Variants in KIF13A observed in about 807,000 individuals in gnomAD.
KIF13A encodes kinesin family member 13A, also known as kinesin-like protein KIF13A.
KIF13A carries 79 observed loss-of-function variants against 212.2 expected under a neutral mutation model. That is an observed-to-expected ratio of 0.37 (90% CI 0.31 to 0.45). The LOEUF is 0.45. Among genes scored for constraint, KIF13A ranks in the 20% least tolerant of loss-of-function variants. KIF13A has a pLI of 1.00. For synonymous variants in KIF13A, 789 were observed against 808.6 expected, an observed-to-expected ratio of 0.98 and a Z score of 0.41; for missense variants, 1,901 against 2,209.0, an observed-to-expected ratio of 0.86 and a Z score of 2.79.
At chr6:17,938,838 T>TTA (rs1343545701) in intron 2 of KIF13A, among the ~76,000 whole-genome samples, 2 of 136,994 alleles carry the variant, frequency 1.5e-5, no homozygotes, top group African/African-American at 5.3e-5. Flanking sequence ...TTTTTTTTTT[T>TTA]ACCCAGCAAC....
chr6:17,794,664 T>C lies in KIF13A; in HGVS notation c.2983A>G (p.Ile995Val), dbSNP rs1761879939. The C allele has an allele frequency of 1.9e-6, 3 of 1,612,424 alleles. No homozygotes were observed. The highest frequency in any genetic ancestry group is 1.1e-5 in the South Asian group (1 of 90,642). ...TCTCCTAACTCATTCAATTCTAATA[T>C]GGAGATCCACATTTCTATTCTTCGC... ...VTRRIEMWIS[I>V]LELNELGEYA... Residue 995 changes from isoleucine to valine, a missense_variant, in exon 24 of 39, where the codon ATA becomes GTA. This residue lies in a region of KIF13A where 168 missense variants were observed against 250.9 expected (regional missense o/e 0.67). Transcript: ENST00000259711. The surrounding 1 kb of genome is among the most constrained non-coding windows in gnomAD (Gnocchi z 4.1).
In KIF13A at chr6:17,900,456, G is replaced by C. The variant is rs1772950301; in HGVS notation, c.147-2276C>G. On this transcript the variant is annotated intron_variant, in intron 2 of 38. Transcript: ENST00000259711. This position sits in a 1 kb window ranked among gnomAD's most constrained non-coding sequence, Gnocchi z 4.6. ...CACTTAGAAGATAGCCCATAACATG[G>C]GAATACCAATATAATTCTGCTACCT... 6.6e-6 allele frequency among the ~76,000 whole-genome samples: 1 copy of C among 152,090 alleles called. No homozygotes were observed. Among genetic ancestry groups the C allele is most frequent in the South Asian group, 2.1e-4 (1 of 4,826 alleles).
intron 16 of KIF13A, among the ~76,000 whole-genome samples, chr6:17,823,130 G>A (rs202173308): frequency 6.6e-6 from 1 of 151,038 alleles, no homozygotes; most frequent in African/African-American, 2.4e-5. Context: ...TCCACCTCCC[G>A]GGTTCAAGCG....
chr6:17,911,499 A>G (rs531739161), intron 2 of KIF13A, among the ~76,000 whole-genome samples: 1 of 152,348 alleles, frequency 6.6e-6, no homozygotes, highest in South Asian at 2.1e-4. Flanking sequence ...TTTTAAAATA[A>G]AAGAAATTTA....
intron 2 of KIF13A, among the ~76,000 whole-genome samples, chr6:17,969,646 G>T (rs1482512121): frequency 1.3e-5 from 2 of 152,140 alleles, no homozygotes; most frequent in Non-Finnish European, 2.9e-5. Flanking sequence ...TGGAGAGGAT[G>T]AACTTGAGGG....
At chr6:17,893,321 T>C (rs1293817057) in intron 3 of KIF13A, among the ~76,000 whole-genome samples, 3 of 152,212 alleles carry the variant, frequency 2.0e-5, no homozygotes, top group Non-Finnish European at 4.4e-5. Flanking sequence ...AATAACCAAA[T>C]GTGGGTTTTA....
Position 17,785,621 on chromosome 6 carries a change from C to A in KIF13A, c.3382G>T (p.Glu1128Ter). 2.5e-6 allele frequency: 4 copies of A among 1,605,786 alleles called. No homozygotes were observed. The highest frequency in any genetic ancestry group is 3.4e-6 in the Non-Finnish European group (4 of 1,176,346). The change falls in exon 28 of 39, where the codon GAG becomes TAG. Residue 1128 changes from glutamate to a stop codon, truncating the protein, a stop_gained. Transcript: ENST00000259711. LOFTEE classifies it high-confidence loss of function. The surrounding 1 kb of genome is among the most constrained non-coding windows in gnomAD (Gnocchi z 5.8). ...TGCTCCACAAGCTGGGCTTCCCGCT[C>A]CACATCGTCCTCTGTTTTCTCTGCA... ...NKTEKTEDDV[E>*]REAQLVEQWV...
At position 17,968,161 on chromosome 6, in the gene KIF13A, C is replaced by T. The variant is rs1779488188; in HGVS notation, c.146+18893G>A. Among the ~76,000 whole-genome samples, 1 of 152,114 alleles carries T rather than the reference C, an allele frequency of 6.6e-6. No homozygotes were observed. Among genetic ancestry groups the T allele is most frequent in the African/African-American group, 2.4e-5 (1 of 41,416 alleles). On this transcript the variant is annotated intron_variant, in intron 2 of 38. Coordinates refer to ENST00000259711, the MANE Select transcript of KIF13A (RefSeq NM_022113.6). The surrounding 1 kb of genome is among the most constrained non-coding windows in gnomAD (Gnocchi z 4.7). ...GAGTAAGCAGAAGCTGCAGCATCAA[C>T]CCAATGGCCAATTAGGAACCAGAGA...
At chr6:17,817,493 C>T (rs949162128) in intron 16 of KIF13A, among the ~76,000 whole-genome samples, 2 of 152,270 alleles carry the variant, frequency 1.3e-5, no homozygotes, top group Middle Eastern at 3.4e-3. Context: ...CTCATCCTAA[C>T]GTTTAGATAA....
At chr6:17,818,835 T>G (rs1764178284) in intron 16 of KIF13A, among the ~76,000 whole-genome samples, 1 of 152,178 alleles carries the variant, frequency 6.6e-6, no homozygotes, top group African/African-American at 2.4e-5. Context: ...GATGTGGTAC[T>G]CTTACCCCCA....
At chr6:17,981,658 G>A (rs974478591) in intron 2 of KIF13A, among the ~76,000 whole-genome samples, 11 of 152,022 alleles carry the variant, frequency 7.2e-5, no homozygotes, top group South Asian at 4.1e-4. Context: ...TCCTGACCTC[G>A]TGATCTGCCT....
At chr6:17,917,726 G>T (rs535821573) in intron 2 of KIF13A, among the ~76,000 whole-genome samples, 6 of 152,250 alleles carry the variant, frequency 3.9e-5, no homozygotes, top group African/African-American at 1.4e-4. Context: ...TTTGCAACCA[G>T]AATTATCTTT....
chr6:17,911,867 C>A (rs1774096915), intron 2 of KIF13A, among the ~76,000 whole-genome samples: 1 of 151,430 alleles, frequency 6.6e-6, no homozygotes, highest in African/African-American at 2.4e-5. Flanking sequence ...CGGGTTCAAG[C>A]GATTCTCGTG....
rs1160614022 is a variant in KIF13A at position 17,968,992 on chromosome 6, C to G, written c.146+18062G>C. Among the ~76,000 whole-genome samples the G allele has an allele frequency of 2.0e-5, 3 of 152,122 alleles. No individual in the cohort carries two copies. Among genetic ancestry groups the G allele is most frequent in the African/African-American group, 7.2e-5 (3 of 41,416 alleles). ...TTCATTATATTCAACTATAAAACAT[C>G]TACATCAGGTTGGTGTAGGGTCCAC... On this transcript the variant is annotated intron_variant, in intron 2 of 38. Coordinates refer to ENST00000259711, the MANE Select transcript of KIF13A (RefSeq NM_022113.6). The surrounding 1 kb of genome is among the most constrained non-coding windows in gnomAD (Gnocchi z 4.7).
chr6:17,781,262 T>C lies in KIF13A; in HGVS notation c.3584A>G (p.His1195Arg), dbSNP rs1441922128. The C allele has an allele frequency of 2.5e-6, 4 of 1,613,340 alleles. No homozygotes were observed. Among genetic ancestry groups the C allele is most frequent in the Non-Finnish European group, 2.5e-6 (3 of 1,179,680 alleles). Residue 1195 changes from histidine (H) to arginine (R), a missense_variant, in exon 30 of 39, where the codon CAT becomes CGT. Coordinates refer to ENST00000259711, the MANE Select transcript of KIF13A (RefSeq NM_022113.6). Reference protein sequence around the residue: ...LSANEQLVGPHASGVNSILPK... With the variant: ...LSANEQLVGPRASGVNSILPK... ...CAGGATGGAGTTCACGCCGGATGCA[T>C]GGGGGCCAACAAGCTGCTCATTGGC... is the stretch of plus-strand genomic sequence containing the variant.
chr6:17,898,190 G>A lies in KIF13A; in HGVS notation c.147-10C>T, dbSNP rs1402873609. The A allele has an allele frequency of 2.5e-6, 4 of 1,610,186 alleles. No individual in the cohort carries two copies. Among genetic ancestry groups the A allele is most frequent in the Middle Eastern group, 1.6e-4 (1 of 6,068 alleles). ...TACCTTGGGAGGTTTCCTTAATGATGGGAAAAAAAAAATTCAGCAGCAGGG... is the reference window on the plus strand; with the variant it reads ...TACCTTGGGAGGTTTCCTTAATGATAGGAAAAAAAAAATTCAGCAGCAGGG... On this transcript the variant is annotated splice_polypyrimidine_tract_variant and intron_variant, in intron 2 of 38. Coordinates refer to ENST00000259711, the MANE Select transcript of KIF13A (RefSeq NM_022113.6). This position sits in a 1 kb window ranked among gnomAD's most constrained non-coding sequence, Gnocchi z 5.2.
intron 2 of KIF13A, among the ~76,000 whole-genome samples, chr6:17,975,925 T>C (rs189164880): frequency 3.1e-4 from 47 of 149,872 alleles, no homozygotes; most frequent in Middle Eastern, 3.4e-3. Context: ...GAGCTAGACA[T>C]AAAGGTTCTC....
intron 2 of KIF13A, among the ~76,000 whole-genome samples, chr6:17,932,199 G>A (rs931036794): frequency 1.3e-4 from 20 of 151,844 alleles, no homozygotes; most frequent in African/African-American, 4.8e-4. Context: ...TCCCAAATGG[G>A]GTTATGGTAG....
In KIF13A at chr6:17,772,670, C is replaced by T. The variant is rs547311968; in HGVS notation, c.4325-611G>A. On this transcript the variant is annotated intron_variant, in intron 36 of 38. Coordinates refer to ENST00000259711, the MANE Select transcript of KIF13A (RefSeq NM_022113.6). The surrounding 1 kb of genome is among the most constrained non-coding windows in gnomAD (Gnocchi z 4.8). ...TCTGAATTCTCACAGCCCTTATTAT[C>T]TGCATGTTCATTTTGGCACCTTATC... Among the ~76,000 whole-genome samples the T allele has an allele frequency of 6.6e-6, 1 of 152,358 alleles. No homozygotes were observed. Among genetic ancestry groups the T allele is most frequent in the South Asian group, 2.1e-4 (1 of 4,828 alleles).
Sources: allele counts gnomAD v4.1 joint callset (sites outside exome capture counted in the v4.1 genomes callset), GRCh38; gene constraint gnomAD v4.1.1; regional missense constraint gnomAD v4.1.1; non-coding constraint Gnocchi (gnomAD v3.1); transcripts MANE v1.5; gene names NCBI Gene and HGNC (gene_info 2026-07-23, HGNC 2026-07-21).